CEMIP: variants seen among roughly 807,000 people sequenced by gnomAD.
CEMIP encodes cell migration inducing hyaluronidase 1.
In CEMIP, 105 loss-of-function variants were observed where a neutral mutation model predicts 156.9. The ratio of observed to expected loss-of-function variants is 0.67; its 90% CI spans 0.57 to 0.79. The LOEUF is 0.79. Ranked by LOEUF, CEMIP falls within the 30% of genes least tolerant of loss-of-function variation. The pLI is 0.00. For missense variants in CEMIP, 1,457 were observed against 1,769.4 expected, an observed-to-expected ratio of 0.82 and a Z score of 3.17; for synonymous variants, 676 against 668.4, an observed-to-expected ratio of 1.01 and a Z score of -0.17.
At chr15:80,855,322 C>T (rs1213974310) in intron 1 of CEMIP, among the ~76,000 whole-genome samples, 1 of 152,152 alleles carries the variant, frequency 6.6e-6, no homozygotes, top group Non-Finnish European at 1.5e-5. Context: ...CAGCATCTTT[C>T]AGATGAAGAA....
At chr15:80,900,999 G>A (rs535415016) in intron 12 of CEMIP, 36 of 453,946 alleles carry the variant, frequency 7.9e-5, no homozygotes, top group Admixed American at 3.6e-4. Context: ...ACATAGTAAT[G>A]AAAATGCATG....
intron 6 of CEMIP, among the ~76,000 whole-genome samples, chr15:80,883,860 G>A (rs575188003): frequency 2.6e-5 from 4 of 152,136 alleles, no homozygotes; most frequent in Non-Finnish European, 5.9e-5. Flanking sequence ...ACATCAAAAG[G>A]CCTAGACCTC....
chr15:80,881,662 C>T (rs541178939), intron 6 of CEMIP, among the ~76,000 whole-genome samples: 6 of 152,190 alleles, frequency 3.9e-5, no homozygotes, highest in African/African-American at 1.4e-4. Flanking sequence ...CAAATGGGGG[C>T]GGGACAGGAC....
chr15:80,921,194 G>A (rs1596192776), intron 16 of CEMIP, 93 bp downstream of exon 16: 2 of 1,162,030 alleles, frequency 1.7e-6, no homozygotes, highest in East Asian at 2.5e-5. Flanking sequence ...TGTGTGCTCT[G>A]AGCCCCAAGC....
At chr15:80,876,562 T>G (rs1054480202) in intron 3 of CEMIP, among the ~76,000 whole-genome samples, 3 of 152,234 alleles carry the variant, frequency 2.0e-5, no homozygotes, top group Non-Finnish European at 2.9e-5. Flanking sequence ...GTGCTAGGGC[T>G]GACAGCAAGG....
At chr15:80,802,728 G>A (rs571217323) in intron 1 of CEMIP, among the ~76,000 whole-genome samples, 36 of 152,302 alleles carry the variant, frequency 2.4e-4, no homozygotes, top group African/African-American at 8.4e-4. Context: ...CTTGGAATGT[G>A]GTCAGGAGAG....
chr15:80,838,359 G>A lies in CEMIP; in HGVS notation c.-175-35179G>A, dbSNP rs60637080. ...GGCGCTGCCTCCAGAACTGTGGCGAGGCAGCCGTTTTCAAATGTTTGTTTG... is the reference window on the plus strand; with the variant it reads ...GGCGCTGCCTCCAGAACTGTGGCGAAGCAGCCGTTTTCAAATGTTTGTTTG... On this transcript the variant is annotated intron_variant, in intron 1 of 29. Transcript: ENST00000394685. Among the ~76,000 whole-genome samples, 254 of 152,110 alleles carry A rather than the reference G, an allele frequency of 1.7e-3. 3 individuals carry two copies. The highest frequency in any genetic ancestry group is 5.8e-3 in the African/African-American group (239 of 41,506).
chr15:80,839,406 G>A (rs1053833202), intron 1 of CEMIP, among the ~76,000 whole-genome samples: 1 of 151,960 alleles, frequency 6.6e-6, no homozygotes, highest in Non-Finnish European at 1.5e-5. Flanking sequence ...TGTCCCAAGT[G>A]GGGGAGGGAG....
chr15:80,915,281 T>C (rs1055622868), intron 14 of CEMIP, among the ~76,000 whole-genome samples: 1 of 152,186 alleles, frequency 6.6e-6, no homozygotes, highest in Non-Finnish European at 1.5e-5. Flanking sequence ...GAAGGGACGG[T>C]TATCGTTTTT....
chr15:80,857,658 TTTCTAACA>T (rs1897886626), intron 1 of CEMIP, among the ~76,000 whole-genome samples: 1 of 152,188 alleles, frequency 6.6e-6, no homozygotes, highest in Non-Finnish European at 1.5e-5. Context: ...AGACCTCTGG[TTTCTAACA>T]GGCTCTTGGG....
At chr15:80,825,086 C>T (rs1195237365) in intron 1 of CEMIP, among the ~76,000 whole-genome samples, 1 of 152,212 alleles carries the variant, frequency 6.6e-6, no homozygotes, top group East Asian at 1.9e-4. Flanking sequence ...AAGGAGGTGT[C>T]ATCAGCACCC....
intron 1 of CEMIP, among the ~76,000 whole-genome samples, chr15:80,873,105 A>G (rs935741883): frequency 6.6e-6 from 1 of 152,204 alleles, no homozygotes; most frequent in African/African-American, 2.4e-5. Flanking sequence ...CACTTCTGCT[A>G]TATTGGCCAG....
Position 80,906,120 on chromosome 15 carries a change from G to C in CEMIP, c.1412-543G>C, listed in dbSNP as rs1429331964. 6.6e-6 allele frequency among the ~76,000 whole-genome samples: 1 copy of C among 152,260 alleles called. No homozygotes were observed. Among genetic ancestry groups the C allele is most frequent in the Non-Finnish European group, 1.5e-5 (1 of 68,040 alleles). On this transcript the variant is annotated intron_variant, in intron 12 of 29. Coordinates refer to ENST00000394685, the MANE Select transcript of CEMIP (RefSeq NM_001293298.2). The surrounding 1 kb of genome is among the most constrained non-coding windows in gnomAD (Gnocchi z 4.3). ...AAGCAGGGGCTTTAAAGACAGAGGG[G>C]TTCTGTTTTATCTTCCTAAGATCGG...
At chr15:80,834,130 A>G (rs533654383) in intron 1 of CEMIP, among the ~76,000 whole-genome samples, 3 of 152,300 alleles carry the variant, frequency 2.0e-5, no homozygotes, top group Admixed American at 6.5e-5. Context: ...AGACATGGCA[A>G]TATGTCCTGA....
chr15:80,810,570 T>C (rs1896642229), intron 1 of CEMIP, among the ~76,000 whole-genome samples: 1 of 152,190 alleles, frequency 6.6e-6, no homozygotes, highest in South Asian at 2.1e-4. Flanking sequence ...GCTTTCACCG[T>C]GGTCTTGATC....
intron 12 of CEMIP, among the ~76,000 whole-genome samples, chr15:80,900,585 GGT>G (rs57724852): frequency 0.06 from 4,499 of 74,890 alleles, 51 homozygotes; most frequent in South Asian, 0.077. Context: ...CCCAGGTAGG[GGT>G]GTGTGTGTGT....
intron 12 of CEMIP, chr15:80,900,934 A>G: frequency 2.2e-6 from 1 of 455,890 alleles, no homozygotes; most frequent in South Asian, 1.5e-5. Context: ...ATTTCATTCT[A>G]CAGGACTGTT....
At chr15:80,832,354 G>GTGTGTGTGTGTGTA (rs1473418200) in intron 1 of CEMIP, among the ~76,000 whole-genome samples, 1 of 151,240 alleles carries the variant, frequency 6.6e-6, no homozygotes, top group Non-Finnish European at 1.5e-5. Context: ...GTGTGTGTGT[G>GTGTGTGTGTGTGTA]TGTGTGTAAG....
rs755707756 is a variant in CEMIP, at chr15:80,875,021, A to ATT, written c.94+1077_94+1078dup. On this transcript the variant is annotated intron_variant, in intron 3 of 29. Transcript: ENST00000394685. ...ATCCTTAGGGGACATAGCAAGTAGC[A>ATT]TTTTTTTTTTTTTTTTTTTTTTTTT... 1.0e-2 allele frequency among the ~76,000 whole-genome samples: 648 copies of ATT among 64,966 alleles called. 88 individuals are homozygous for ATT. Among genetic ancestry groups the ATT allele is most frequent in the African/African-American group, 0.011 (171 of 16,002 alleles). The allele number at this position is 64,966 out of a possible 152,430, so 42.6% of individuals were successfully genotyped here. A position where few individuals can be genotyped will look rare whatever the true frequency, so the allele number is the denominator to read the frequency against.
Sources: allele counts gnomAD v4.1 joint callset (sites outside exome capture counted in the v4.1 genomes callset), GRCh38; gene constraint gnomAD v4.1.1; non-coding constraint Gnocchi (gnomAD v3.1); transcripts MANE v1.5; gene names NCBI Gene and HGNC (gene_info 2026-07-23, HGNC 2026-07-21).